DYNC2H1: variants seen among roughly 807,000 people sequenced by gnomAD.
DYNC2H1 encodes the protein cytoplasmic dynein 2 heavy chain 1.
In DYNC2H1, 410 loss-of-function variants were observed where a neutral mutation model predicts 570.0. The observed-to-expected ratio is 0.72, with a 90% CI of 0.66 to 0.78. The LOEUF (loss-of-function observed/expected upper bound fraction) is 0.78, where lower values mean the gene tolerates loss of function less well. DYNC2H1 is among the 30% of genes least tolerant of loss of function. The pLI, the probability that DYNC2H1 is intolerant of heterozygous loss-of-function variation, is 0.00. For synonymous variants in DYNC2H1, 1,688 were observed against 1,677.6 expected (o/e 1.01, Z -0.15); for missense variants, 4,865 against 5,046.4 (o/e 0.96, Z 1.09).
chr11:103,199,306 A>G lies in DYNC2H1; in HGVS notation c.7918A>G (p.Ile2640Val). The G allele has an allele frequency of 1.2e-6, 2 of 1,611,672 alleles. No homozygotes were observed. The highest frequency in any genetic ancestry group is 1.7e-6 in the Non-Finnish European group (2 of 1,179,662). ...FHEVLEYMSR[I>V]DRVLSFPGGS... is the part of the protein sequence containing the mutation. Reference sequence around the variant, plus strand: ...CGAAGTCTTGGAGTATATGTCTAGGATAGATAGAGTGCTGAGTTTCCCTGG... The same window carrying G: ...CGAAGTCTTGGAGTATATGTCTAGGGTAGATAGAGTGCTGAGTTTCCCTGG... Residue 2640 changes from isoleucine (I) to valine (V), a missense_variant, in exon 49 of 89, where the codon ATA (isoleucine) becomes GTA (valine). By Grantham distance (29) the Ile-to-Val change is conservative (BLOSUM62 3). This residue lies in a region of DYNC2H1 where 2,401 missense variants were observed against 2,454.6 expected (regional missense o/e 0.98). Transcript: ENST00000375735. The surrounding 1 kb of genome is among the most constrained non-coding windows in gnomAD (Gnocchi z 4.6).
At position 103,446,037 on chromosome 11, in the gene DYNC2H1, TTTG is replaced by T. The variant is rs61565760; in HGVS notation, c.12457-9119_12457-9117del. 2.2e-3 allele frequency among the ~76,000 whole-genome samples: 327 copies of T among 150,574 alleles called. No homozygotes were observed. Among genetic ancestry groups the T allele is most frequent in the African/African-American group, 4.7e-3 (193 of 40,932 alleles). On this transcript the variant is annotated intron_variant, in intron 85 of 88. Coordinates refer to ENST00000375735, the MANE Select transcript of DYNC2H1 (RefSeq NM_001377.3). The surrounding 1 kb of genome is among the most constrained non-coding windows in gnomAD (Gnocchi z 4.5). The stretch of plus-strand genomic sequence containing the variant: ...TGACAATATGGTAATAGAGCAGAGT[TTTG>T]TTGTTGTTGTTGTTGTTGTTGTTGT...
chr11:103,258,013 A>T (rs1426420960), intron 69 of DYNC2H1, among the ~76,000 whole-genome samples: 1 of 152,204 alleles, frequency 6.6e-6, no homozygotes, highest in African/African-American at 2.4e-5. Context: ...ATAATCATTT[A>T]AAAAACCCAG....
rs1279513503 is a variant in DYNC2H1, at chr11:103,222,168, A to G, written c.9231+15A>G. 3 of 1,489,082 alleles carry G rather than the reference A, an allele frequency of 2.0e-6. No homozygotes were observed. Among genetic ancestry groups the G allele is most frequent in the Non-Finnish European group, 2.7e-6 (3 of 1,099,296 alleles). 92.2% of individuals were successfully genotyped at this position (1,489,082 alleles called of 1,614,324 possible). A position where few individuals can be genotyped will look rare whatever the true frequency, so the allele number is the denominator to read the frequency against. On this transcript the variant is annotated intron_variant, in intron 58 of 88. Transcript: ENST00000375735. ...TTGATCCAAAGGTAATTTTTAAGTT[A>G]TACTATAAATTTGTTTTTCCATACC...
chr11:103,170,939 G>A lies in DYNC2H1; in HGVS notation c.5205G>A (p.Gly1735=). The A allele has an allele frequency of 6.2e-7, 1 of 1,603,622 alleles. No individual in the cohort carries two copies. Among genetic ancestry groups the A allele is most frequent in the East Asian group, 2.2e-5 (1 of 44,654 alleles). The change falls in exon 34 of 89, where the codon GGG becomes GGA. Residue 1735 remains glycine (G), a synonymous_variant. Coordinates refer to ENST00000375735, the MANE Select transcript of DYNC2H1 (RefSeq NM_001377.3). The surrounding 1 kb of genome is among the most constrained non-coding windows in gnomAD (Gnocchi z 4.8). ...GRIFVGLVKC[G]AWGCFDEFNR... is the part of the protein sequence containing the mutation. ...TATTTGTTGGTTTGGTGAAGTGTGG[G>A]GCCTGGGGTTGTTTTGATGAATTTA...
chr11:103,236,453 TG>T lies in DYNC2H1; in HGVS notation c.9734del (p.Cys3245LeufsTer7). On this transcript the variant is annotated frameshift_variant, in exon 63 of 89. Transcript: ENST00000375735. LOFTEE classifies it high-confidence loss of function. ...LEKFDLRRFL[C>X]TESEQLIWKS... ...AGAATTTGATCTGAGGAGATTTCTT[TG>T]TACTGAAAGTGAGCAGTTAATTTGG... 3 of 1,606,842 alleles carry T rather than the reference TG, an allele frequency of 1.9e-6. No individual in the cohort carries two copies. Among genetic ancestry groups the T allele is most frequent in the Non-Finnish European group, 2.6e-6 (3 of 1,174,160 alleles).
chr11:103,181,954 A>C lies in DYNC2H1; in HGVS notation c.6477+68A>C. 1 of 1,518,046 alleles carries C rather than the reference A, an allele frequency of 6.6e-7. No individual in the cohort carries two copies. The allele number at this position is 1,518,046 out of a possible 1,614,324, so 94.0% of individuals were successfully genotyped here. A position where few individuals can be genotyped will look rare whatever the true frequency, so the allele number is the denominator to read the frequency against. ...TATGATTAAGAGTGATGCTTATTTT[A>C]ACTTCCTTGTGGTAGAACTCTGCTG... On this transcript the variant is annotated intron_variant, in intron 40 of 88. Transcript: ENST00000375735. This position sits in a 1 kb window ranked among gnomAD's most constrained non-coding sequence, Gnocchi z 5.0.
intron 17 of DYNC2H1, among the ~76,000 whole-genome samples, chr11:103,136,423 T>A (rs1350469135): frequency 6.6e-6 from 1 of 150,552 alleles, no homozygotes; most frequent in African/African-American, 2.4e-5. Flanking sequence ...CCTTTTCCTG[T>A]GTCCATGTGC....
intron 30 of DYNC2H1, among the ~76,000 whole-genome samples, chr11:103,164,852 A>G (rs1347075309): frequency 1.3e-5 from 2 of 152,216 alleles, no homozygotes; most frequent in Non-Finnish European, 2.9e-5. Context: ...ACTGTAAAAA[A>G]TTAAGTTTAT....
chr11:103,143,926 A>T (rs749103889), intron 18 of DYNC2H1, among the ~76,000 whole-genome samples: 1 of 152,238 alleles, frequency 6.6e-6, no homozygotes, highest in Non-Finnish European at 1.5e-5. Flanking sequence ...AATAAGTTCC[A>T]TGAAAGGCCT....
chr11:103,124,589 A>G (rs1858891922), intron 11 of DYNC2H1, among the ~76,000 whole-genome samples: 1 of 152,108 alleles, frequency 6.6e-6, no homozygotes, highest in Non-Finnish European at 1.5e-5. Context: ...AATATTTGCT[A>G]TTATAGCCTT....
At position 103,186,169 on chromosome 11, in the gene DYNC2H1, TTAC is replaced by T; in HGVS notation, c.6634-71_6634-69del. On this transcript the variant is annotated intron_variant, in intron 41 of 88. Transcript: ENST00000375735. The surrounding 1 kb of genome is among the most constrained non-coding windows in gnomAD (Gnocchi z 4.5). Reference sequence around the variant, plus strand: ...CTAAGATGATTTACTTTTGGGATATTTACTTGGAAGAATTTTAAAATGTCACAC... The same window carrying T: ...CTAAGATGATTTACTTTTGGGATATTTTGGAAGAATTTTAAAATGTCACAC... 7.0e-7 allele frequency: 1 copy of T among 1,430,554 alleles called. No individual in the cohort carries two copies. The highest frequency in any genetic ancestry group is 1.4e-5 in the South Asian group (1 of 71,690). 88.6% of individuals were successfully genotyped at this position (1,430,554 alleles called of 1,614,324 possible). A position where few individuals can be genotyped will look rare whatever the true frequency, so the allele number is the denominator to read the frequency against.
chr11:103,132,830 C>CTTG lies in DYNC2H1; in HGVS notation c.1954-725_1954-724insTTG, dbSNP rs1258345611. On this transcript the variant is annotated intron_variant, in intron 13 of 88. Transcript: ENST00000375735. ...CAACTTGGAGGCACCTTGTTGCCTC[C>CTTG]AAGCTGGGGTGTAAGCTCAGCTTCC... is the stretch of plus-strand genomic sequence containing the variant. 2.0e-4 allele frequency among the ~76,000 whole-genome samples: 31 copies of CTTG among 152,032 alleles called. No individual in the cohort carries two copies. The East Asian group carries it at 5.3e-3, about 26-fold the overall frequency.
In DYNC2H1 at chr11:103,185,478, G is replaced by A. The variant is rs1328933208; in HGVS notation, c.6633+427G>A. On this transcript the variant is annotated intron_variant, in intron 41 of 88. Transcript: ENST00000375735. The surrounding 1 kb of genome is among the most constrained non-coding windows in gnomAD (Gnocchi z 4.5). Reference sequence around the variant, plus strand: ...ATTTTCTTTAATATATGTTAAAGTTGTATTACAGTCAAGTTGTTTATAAAG... The same window carrying A: ...ATTTTCTTTAATATATGTTAAAGTTATATTACAGTCAAGTTGTTTATAAAG... Among the ~76,000 whole-genome samples, 3 of 151,822 alleles carry A rather than the reference G, an allele frequency of 2.0e-5. No individual in the cohort carries two copies. The highest frequency in any genetic ancestry group is 1.5e-5 in the Non-Finnish European group (1 of 67,874).
intron 47 of DYNC2H1, among the ~76,000 whole-genome samples, chr11:103,194,542 T>G (rs1352615201): frequency 1.3e-5 from 2 of 152,190 alleles, no homozygotes; most frequent in Admixed American, 6.5e-5. Context: ...GCATTTGGTG[T>G]TGTTACTATT....
chr11:103,378,456 A>T (rs1941492997), intron 83 of DYNC2H1, among the ~76,000 whole-genome samples: 1 of 152,192 alleles, frequency 6.6e-6, no homozygotes, highest in Non-Finnish European at 1.5e-5. Flanking sequence ...TAATTAGGGT[A>T]AGCCTTTGGG....
At chr11:103,168,349 A>T (rs1169814102) in intron 31 of DYNC2H1, among the ~76,000 whole-genome samples, 1 of 152,166 alleles carries the variant, frequency 6.6e-6, no homozygotes, top group Non-Finnish European at 1.5e-5. Flanking sequence ...ACAATGGTAA[A>T]TCCACCACTG....
rs1860143129 is a variant in DYNC2H1 at position 103,144,641 on chromosome 11, T to C, written c.2702+1246T>C. On this transcript the variant is annotated intron_variant, in intron 18 of 88. Transcript: ENST00000375735. The stretch of plus-strand genomic sequence containing the variant: ...ATTAGAGACTAGAGGGAGATGATCC[T>C]GGAAAGGTGTAGATAAGGTATAGAT... 1.3e-5 allele frequency among the ~76,000 whole-genome samples: 2 copies of C among 152,156 alleles called. 1 individual carries two copies. Among genetic ancestry groups the C allele is most frequent in the South Asian group, 4.1e-4 (2 of 4,830 alleles).
rs183919217 is a variant in DYNC2H1, at chr11:103,153,582, A to T, written c.3302+74A>T. 3 of 1,288,588 alleles carry T rather than the reference A, an allele frequency of 2.3e-6. No homozygotes were observed. In the African/African-American group the frequency reaches 4.6e-5, roughly 20 times the overall value. 79.8% of individuals were successfully genotyped at this position (1,288,588 alleles called of 1,614,324 possible). On this transcript the variant is annotated intron_variant, in intron 22 of 88. Transcript: ENST00000375735. The stretch of plus-strand genomic sequence containing the variant: ...TATATATCAAGCTAGTAATTTTCTT[A>T]TGTCTGTTATCTTGATAACTTTCCT...
chr11:103,302,697 T>A lies in DYNC2H1; in HGVS notation c.11096-396T>A, dbSNP rs186139760. On this transcript the variant is annotated intron_variant, in intron 75 of 88. Coordinates refer to ENST00000375735, the MANE Select transcript of DYNC2H1 (RefSeq NM_001377.3). ...GGCACTCAACTATCATATCAGTTAA[T>A]GAATTGTATTGTACTAATGAGATAT... Among the ~76,000 whole-genome samples, 4 of 152,190 alleles carry A rather than the reference T, an allele frequency of 2.6e-5. No individual in the cohort carries two copies. The East Asian group carries it at 7.7e-4, about 29-fold the overall frequency.
Sources: gnomAD v4.1 joint callset for allele counts (sites outside exome capture counted in the v4.1 genomes callset) on GRCh38, gnomAD v4.1.1 for gene constraint, gnomAD v4.1.1 regional missense constraint, Gnocchi (gnomAD v3.1) non-coding constraint, MANE v1.5 for transcripts, NCBI Gene and HGNC (gene_info 2026-07-23, HGNC 2026-07-21) for gene names.